Variants in WDR59 observed in about 807,000 individuals in gnomAD.
WDR59 encodes GATOR2 complex protein WDR59.
WDR59 carries 100 observed loss-of-function variants against 131.2 expected under a neutral mutation model. The observed-to-expected ratio is 0.76, with a 90% CI of 0.65 to 0.90. The LOEUF (loss-of-function observed/expected upper bound fraction) is 0.90, where lower values mean the gene tolerates loss of function less well. Ranked by LOEUF, WDR59 falls within the 40% of genes least tolerant of loss-of-function variation. WDR59 has a pLI of 0.00. For synonymous variants in WDR59, 601 were observed against 466.2 expected (o/e 1.29, Z -3.72); for missense variants, 1,203 against 1,262.2 (o/e 0.95, Z 0.71).
At chr16:74,984,573 G>A in intron 1 of WDR59, 1 of 269,168 alleles carries the variant, frequency 3.7e-6, no homozygotes. Flanking sequence ...CGTCCACGCA[G>A]CTGAGACTTA....
At chr16:74,874,648 T>G (rs1044818309) in intron 25 of WDR59, among the ~76,000 whole-genome samples, 1 of 152,142 alleles carries the variant, frequency 6.6e-6, no homozygotes, top group Non-Finnish European at 1.5e-5. Context: ...CAGGCTCGAG[T>G]GCAATGGTGC....
At chr16:74,951,641 T>C in intron 3 of WDR59, 98 bp from the exon 4 acceptor site, 2 of 1,015,262 alleles carry the variant, frequency 2.0e-6, no homozygotes, top group Non-Finnish European at 3.0e-6. Flanking sequence ...AGGGATCTCA[T>C]GCATGGCAAA....
chr16:74,971,786 G>C (rs944519932), intron 1 of WDR59, among the ~76,000 whole-genome samples: 1 of 152,140 alleles, frequency 6.6e-6, no homozygotes, highest in Non-Finnish European at 1.5e-5. Context: ...GGTACTCACT[G>C]TAACCCCAAA....
In WDR59 at chr16:74,947,177, G is replaced by C. The variant is rs187915293; in HGVS notation, c.445+1342C>G. Among the ~76,000 whole-genome samples, 17 of 152,290 alleles carry C rather than the reference G, an allele frequency of 1.1e-4. No individual in the cohort carries two copies. The East Asian group carries it at 1.5e-3, about 14-fold the overall frequency. ...TTAAACAACACCATGGGCCAGTCGC[G>C]ATGGCTCAAGCCTATAATCCCAGCA... is the stretch of plus-strand genomic sequence containing the variant. On this transcript the variant is annotated intron_variant, in intron 6 of 25. Transcript: ENST00000262144.
chr16:74,892,488 A>C lies in WDR59; in HGVS notation c.2078T>G (p.Val693Gly). The change falls in exon 20 of 26, where the codon GTC (valine) becomes GGC (glycine). Residue 693 changes from valine to glycine, a missense_variant. Val to Gly is a moderately radical substitution (Grantham distance 109). Transcript: ENST00000262144. ...ACCAAAAGGGATGGACAATACCTGGACAAGATCCTTTCTTCCAACGAGCAA... is the reference window on the plus strand; with the variant it reads ...ACCAAAAGGGATGGACAATACCTGGCCAAGATCCTTTCTTCCAACGAGCAA... ...SALLVGRKDL[V>G]QVWSLATVAT... 6.2e-7 allele frequency: 1 copy of C among 1,613,778 alleles called. No individual in the cohort carries two copies. Among genetic ancestry groups the C allele is most frequent in the Non-Finnish European group, 8.5e-7 (1 of 1,179,748 alleles).
chr16:74,903,513 T>C (rs961494538), intron 18 of WDR59, among the ~76,000 whole-genome samples: 4 of 152,094 alleles, frequency 2.6e-5, no homozygotes, highest in African/African-American at 9.7e-5. Flanking sequence ...CAAAAAACCT[T>C]TCAGACATTA....
chr16:74,951,736 G>A (rs1227189476), intron 3 of WDR59, among the ~76,000 whole-genome samples, 193 bp from the exon 4 acceptor site: 1 of 152,180 alleles, frequency 6.6e-6, no homozygotes, highest in African/African-American at 2.4e-5. Flanking sequence ...AGCTCAGTAT[G>A]TAGGTCTGTG....
At chr16:74,935,184 C>A (rs938812818) in intron 8 of WDR59, among the ~76,000 whole-genome samples, 1 of 151,868 alleles carries the variant, frequency 6.6e-6, no homozygotes, top group African/African-American at 2.4e-5. Context: ...GAGCCAAGAT[C>A]ACACCACTGC....
chr16:74,954,485 A>T (rs2033180571), intron 3 of WDR59, among the ~76,000 whole-genome samples: 1 of 152,140 alleles, frequency 6.6e-6, no homozygotes, highest in African/African-American at 2.4e-5. Context: ...TAATTTTTTT[A>T]AAAATACAAA....
chr16:74,954,818 G>C (rs1378648918), intron 3 of WDR59, among the ~76,000 whole-genome samples: 2 of 152,160 alleles, frequency 1.3e-5, no homozygotes, highest in East Asian at 1.9e-4. Context: ...CTATAACATG[G>C]ATGAACTTCA....
intron 1 of WDR59, among the ~76,000 whole-genome samples, chr16:74,967,857 CAA>C (rs10585403): frequency 0.52 from 59,734 of 113,810 alleles, 12,917 homozygotes; most frequent in East Asian, 0.72. Context: ...GACTCGGTCT[CAA>C]AAAAAAAAAA....
At chr16:74,890,708 A>T (rs570069172) in intron 20 of WDR59, among the ~76,000 whole-genome samples, 1 of 152,308 alleles carries the variant, frequency 6.6e-6, no homozygotes, top group South Asian at 2.1e-4. Context: ...TTGAAATCCC[A>T]TGGGGCCTGG....
At chr16:74,888,528 T>A (rs540252659) in intron 21 of WDR59, among the ~76,000 whole-genome samples, 1 of 152,212 alleles carries the variant, frequency 6.6e-6, no homozygotes, top group South Asian at 2.1e-4. Context: ...ATATAAGGCA[T>A]CCACGTACTA....
chr16:74,896,365 C>G (rs983845379), intron 18 of WDR59, among the ~76,000 whole-genome samples: 2 of 152,206 alleles, frequency 1.3e-5, no homozygotes, highest in Admixed American at 1.3e-4. Flanking sequence ...TGCAGTGGCT[C>G]ACACCTGTAA....
intron 19 of WDR59, 136 bp downstream of exon 19, chr16:74,893,543 C>T (rs1023952535): frequency 1.1e-6 from 1 of 928,142 alleles, no homozygotes; most frequent in Admixed American, 3.1e-5. Context: ...AATTTGTCCA[C>T]AGCAACAGAA....
intron 3 of WDR59, among the ~76,000 whole-genome samples, chr16:74,955,442 A>G (rs951575): frequency 0.55 from 83,875 of 151,850 alleles, 24,280 homozygotes; most frequent in East Asian, 0.76. Context: ...GGTGAGAGGG[A>G]AATAAGGGTC....
At chr16:74,898,119 A>G (rs1485675880) in intron 18 of WDR59, among the ~76,000 whole-genome samples, 1 of 152,176 alleles carries the variant, frequency 6.6e-6, no homozygotes, top group Non-Finnish European at 1.5e-5. Context: ...CTTGCTGGCA[A>G]TGTTTGGAGT....
rs2033213379 is a variant in WDR59, at chr16:74,955,031, A to G, written c.240+1444T>C. On this transcript the variant is annotated intron_variant, in intron 3 of 25. Coordinates refer to ENST00000262144, the MANE Select transcript of WDR59 (RefSeq NM_030581.4). ...CCGGGAGGGATAGAAATGTTTGGGA[A>G]TTGGATAGAGGTGGTGGTTATACAA... 1.3e-5 allele frequency among the ~76,000 whole-genome samples: 2 copies of G among 152,228 alleles called. 1 individual carries two copies. Among genetic ancestry groups the G allele is most frequent in the South Asian group, 4.1e-4 (2 of 4,834 alleles).
intron 3 of WDR59, among the ~76,000 whole-genome samples, 196 bp from the exon 4 acceptor site, chr16:74,951,739 G>T (rs572855868): frequency 1.2e-4 from 18 of 152,176 alleles, no homozygotes; most frequent in Admixed American, 7.2e-4. Flanking sequence ...TCAGTATGTA[G>T]GTCTGTGAAT....
Sources: allele counts gnomAD v4.1 joint callset (sites outside exome capture counted in the v4.1 genomes callset), GRCh38; gene constraint gnomAD v4.1.1; transcripts MANE v1.5; gene names NCBI Gene and HGNC (gene_info 2026-07-23, HGNC 2026-07-21).